Variants in CNTNAP2 observed in about 807,000 individuals in gnomAD.
The protein encoded by CNTNAP2 is contactin-associated protein-like 2.
Under a neutral mutation model 155.2 loss-of-function variants are expected in CNTNAP2, and 98 were observed. The ratio of observed to expected loss-of-function variants is 0.63; its 90% confidence interval spans 0.54 to 0.75. CNTNAP2 has a LOEUF of 0.75. CNTNAP2 is among the 30% of genes least tolerant of loss of function. The probability of loss-of-function intolerance (pLI) is 0.00; values close to 1 mark genes in which losing one functional copy is unlikely to be tolerated. For synonymous variants in CNTNAP2, 651 were observed against 631.2 expected, an observed-to-expected ratio of 1.03 and a Z score of -0.47; for missense variants, 1,727 against 1,688.1, an observed-to-expected ratio of 1.02 and a Z score of -0.40.
chr7:146,927,907 C>G (rs1188515009), intron 3 of CNTNAP2, among the ~76,000 whole-genome samples: 2 of 150,036 alleles, frequency 1.3e-5, no homozygotes, highest in African/African-American at 4.9e-5. Context: ...TGTGTGTATA[C>G]ATATGTATAT....
intron 11 of CNTNAP2, among the ~76,000 whole-genome samples, chr7:147,514,621 T>TA (rs5888268): frequency 0.61 from 88,550 of 144,526 alleles, 28,141 homozygotes; most frequent in South Asian, 0.76. Context: ...AGATTTGAAC[T>TA]AAAAAAAAAA....
intron 20 of CNTNAP2, among the ~76,000 whole-genome samples, chr7:148,236,942 C>T (rs550015374): frequency 2.0e-5 from 3 of 152,324 alleles, no homozygotes; most frequent in Admixed American, 1.3e-4. Flanking sequence ...TCATAGAGCT[C>T]TGCTTCCATG....
intron 1 of CNTNAP2, among the ~76,000 whole-genome samples, chr7:146,430,143 G>T (rs568811907): frequency 6.6e-6 from 1 of 151,192 alleles, no homozygotes; most frequent in African/African-American, 2.4e-5. Context: ...GAGAATATTC[G>T]CATCGATGTT....
chr7:148,347,514 T>G (rs940908247), intron 21 of CNTNAP2, among the ~76,000 whole-genome samples: 3 of 152,212 alleles, frequency 2.0e-5, no homozygotes. Context: ...CTTTGACCTT[T>G]TTTTTACTCA....
intron 15 of CNTNAP2, among the ~76,000 whole-genome samples, chr7:148,070,893 A>G (rs998003484): frequency 1.3e-5 from 2 of 152,200 alleles, no homozygotes; most frequent in South Asian, 4.1e-4. Context: ...AATTATTTGA[A>G]TTAGAAGGTA....
At chr7:147,824,946 T>G (rs1489844769) in intron 13 of CNTNAP2, among the ~76,000 whole-genome samples, 1 of 152,140 alleles carries the variant, frequency 6.6e-6, no homozygotes, top group Non-Finnish European at 1.5e-5. Flanking sequence ...TAACGTGGAT[T>G]GAGGAAGTAG....
intron 17 of CNTNAP2, among the ~76,000 whole-genome samples, chr7:148,160,680 G>A (rs1038300181): frequency 6.6e-6 from 1 of 152,060 alleles, no homozygotes; most frequent in Non-Finnish European, 1.5e-5. Flanking sequence ...TACATGGATC[G>A]GAAGGATCCC....
At chr7:146,630,821 G>T (rs1799498645) in intron 1 of CNTNAP2, among the ~76,000 whole-genome samples, 1 of 151,820 alleles carries the variant, frequency 6.6e-6, no homozygotes, top group African/African-American at 2.4e-5. Flanking sequence ...GCTACAAAGA[G>T]AATAAAATAC....
At chr7:147,484,425 C>T (rs1193837201) in intron 10 of CNTNAP2, among the ~76,000 whole-genome samples, 1 of 152,130 alleles carries the variant, frequency 6.6e-6, no homozygotes, top group East Asian at 1.9e-4. Flanking sequence ...CTTTATTTGT[C>T]CCTGAATTAT....
At chr7:146,836,932 G>A (rs1354814121) in intron 2 of CNTNAP2, among the ~76,000 whole-genome samples, 1 of 151,846 alleles carries the variant, frequency 6.6e-6, no homozygotes, top group Non-Finnish European at 1.5e-5. Flanking sequence ...TGTCTGTTAG[G>A]TTGTTTCATT....
intron 12 of CNTNAP2, among the ~76,000 whole-genome samples, chr7:147,598,231 G>C (rs1251783121): frequency 2.6e-5 from 4 of 151,470 alleles, no homozygotes; most frequent in Non-Finnish European, 5.9e-5. Context: ...TTGCTACATA[G>C]GTATACATGT....
At position 147,283,547 on chromosome 7, in the gene CNTNAP2, A is replaced by G. The variant is rs113364798; in HGVS notation, c.1349-16594A>G. Among the ~76,000 whole-genome samples the G allele has an allele frequency of 7.0e-3, 1,061 of 152,046 alleles. 13 individuals are homozygous for G. Among genetic ancestry groups the G allele is most frequent in the African/African-American group, 0.024 (1,015 of 41,526 alleles). ...TGTGGATCTAGCTAATGTTGTCTTT[A>G]GATAGGACATGTTCTATAAATAAGA... is the stretch of plus-strand genomic sequence containing the variant. On this transcript the variant is annotated intron_variant, in intron 8 of 23. Coordinates refer to ENST00000361727, the MANE Select transcript of CNTNAP2 (RefSeq NM_014141.6).
chr7:147,529,550 T>C (rs968060575), intron 11 of CNTNAP2, among the ~76,000 whole-genome samples: 7 of 152,098 alleles, frequency 4.6e-5, no homozygotes, highest in African/African-American at 1.7e-4. Flanking sequence ...GTTTTTTTTT[T>C]GGTTTCTATT....
intron 11 of CNTNAP2, among the ~76,000 whole-genome samples, chr7:147,512,368 A>T (rs1463361289): frequency 6.6e-6 from 1 of 152,218 alleles, no homozygotes; most frequent in Non-Finnish European, 1.5e-5. Flanking sequence ...TATTCACATT[A>T]GCAACATAAG....
rs542675721 is a variant in CNTNAP2 at position 147,238,266 on chromosome 7, C to T, written c.1349-61875C>T. On this transcript the variant is annotated intron_variant, in intron 8 of 23. Transcript: ENST00000361727. ...TCCTGACCTCGTGATCCGCCCACCTCGGCCTCCCAAAGTGCTGAGATTACA... is the reference window on the plus strand; with the variant it reads ...TCCTGACCTCGTGATCCGCCCACCTTGGCCTCCCAAAGTGCTGAGATTACA... 4.6e-5 allele frequency among the ~76,000 whole-genome samples: 7 copies of T among 152,258 alleles called. No individual in the cohort carries two copies. In the East Asian group the frequency reaches 5.8e-4, roughly 13 times the overall value.
intron 11 of CNTNAP2, among the ~76,000 whole-genome samples, chr7:147,503,754 A>AT: frequency 6.6e-6 from 1 of 151,776 alleles, no homozygotes; most frequent in South Asian, 2.1e-4. Context: ...CACTCAGTTA[A>AT]TTTTTTTTCC....
chr7:147,851,271 A>G (rs555311144), intron 13 of CNTNAP2, among the ~76,000 whole-genome samples: 1,662 of 152,222 alleles, frequency 0.011, 89 homozygotes, highest in Admixed American at 0.089. Flanking sequence ...GTCAGGAAAC[A>G]ACAGGTGCTG....
intron 20 of CNTNAP2, among the ~76,000 whole-genome samples, chr7:148,230,548 G>C (rs1241520647): frequency 2.0e-5 from 3 of 152,186 alleles, no homozygotes; most frequent in African/African-American, 7.2e-5. Flanking sequence ...CAGTAAAGTG[G>C]AGTGTCATTT....
At chr7:147,786,275 A>T (rs1019087404) in intron 13 of CNTNAP2, among the ~76,000 whole-genome samples, 2 of 152,160 alleles carry the variant, frequency 1.3e-5, no homozygotes, top group Admixed American at 1.3e-4. Context: ...ATGCAATGAG[A>T]TACAAAATTA....
Sources: gnomAD v4.1 joint callset for allele counts (sites outside exome capture counted in the v4.1 genomes callset) on GRCh38, gnomAD v4.1.1 for gene constraint, MANE v1.5 for transcripts, NCBI Gene and HGNC (gene_info 2026-07-23, HGNC 2026-07-21) for gene names.